Variants in ATP2B2 observed in about 807,000 individuals in gnomAD.
ATP2B2 encodes the protein plasma membrane calcium-transporting ATPase 2.
ATP2B2 carries 15 observed loss-of-function variants against 120.0 expected under a neutral mutation model. The observed-to-expected ratio is 0.12, with a 90% confidence interval of 0.08 to 0.19. The LOEUF (loss-of-function observed/expected upper bound fraction) is 0.19, where lower values mean the gene tolerates loss of function less well. Among genes scored for constraint, ATP2B2 ranks in the 10% least tolerant of loss-of-function variants. ATP2B2 has a pLI of 1.00. For synonymous variants in ATP2B2, 694 were observed against 700.3 expected, an observed-to-expected ratio of 0.99 and a Z score of 0.14; for missense variants, 1,045 against 1,719.8, an observed-to-expected ratio of 0.61 and a Z score of 6.94.
chr3:10,452,724 G>A (rs1391495072), intron 1 of ATP2B2, among the ~76,000 whole-genome samples: 1 of 152,144 alleles, frequency 6.6e-6, no homozygotes, highest in Non-Finnish European at 1.5e-5. Context: ...GGTGAGCGCT[G>A]GGGAGGTGAT....
At chr3:10,617,090 CTGGCCAT>C in intron 2 of ATP2B2, among the ~76,000 whole-genome samples, 1 of 152,352 alleles carries the variant, frequency 6.6e-6, no homozygotes, top group South Asian at 2.1e-4. Context: ...TTCCCTGCTG[CTGGCCAT>C]TGGCATTGTT....
intron 5 of ATP2B2, among the ~76,000 whole-genome samples, chr3:10,388,627 T>C (rs2061754091): frequency 6.6e-6 from 1 of 152,080 alleles, no homozygotes; most frequent in African/African-American, 2.4e-5. Context: ...AGTTCTCAGG[T>C]ACCCCAAACA....
Position 10,343,056 on chromosome 3 carries a change from C to G in ATP2B2, c.2704-91G>C. 7.2e-7 allele frequency: 1 copy of G among 1,384,488 alleles called. No homozygotes were observed. The highest frequency in any genetic ancestry group is 1.0e-6 in the Non-Finnish European group (1 of 989,530). 85.8% of individuals were successfully genotyped at this position (1,384,488 alleles called of 1,614,324 possible). A position where few individuals can be genotyped will look rare whatever the true frequency, so the allele number is the denominator to read the frequency against. On this transcript the variant is annotated intron_variant, in intron 18 of 22. Transcript: ENST00000360273. The surrounding 1 kb of genome is among the most constrained non-coding windows in gnomAD (Gnocchi z 4.2). ...CTCATGGTGTAGTGTCCGCAGGCTC[C>G]TGCTGGAGGCTGGAGTCCGACCTGC... is the stretch of plus-strand genomic sequence containing the variant.
chr3:10,402,793 T>TGG lies in ATP2B2; in HGVS notation c.398-446_398-445insCC, dbSNP rs2062267407. On this transcript the variant is annotated intron_variant, in intron 3 of 22. Transcript: ENST00000360273. This position sits in a 1 kb window ranked among gnomAD's most constrained non-coding sequence, Gnocchi z 4.9. The stretch of plus-strand genomic sequence containing the variant: ...CTATCTCGGGGACCTATTGTCAGAG[T>TGG]TGAAATTTAATGTGGTAAAGTTCAC... Among the ~76,000 whole-genome samples the TGG allele has an allele frequency of 1.3e-5, 2 of 152,208 alleles. No homozygotes were observed. The highest frequency in any genetic ancestry group is 2.4e-5 in the African/African-American group (1 of 41,484).
chr3:10,553,665 G>T (rs1053909875), intron 2 of ATP2B2, among the ~76,000 whole-genome samples: 1 of 152,202 alleles, frequency 6.6e-6, no homozygotes, highest in Non-Finnish European at 1.5e-5. Flanking sequence ...AGGACTCCCT[G>T]CCCCTCCATA....
chr3:10,565,183 T>G (rs2067984372), intron 2 of ATP2B2, among the ~76,000 whole-genome samples: 1 of 151,906 alleles, frequency 6.6e-6, no homozygotes, highest in African/African-American at 2.4e-5. Context: ...CCTCGTGGAG[T>G]AGAGCACTCT....
rs1400446153 is a variant in ATP2B2, at chr3:10,449,794, G to C, written c.-251C>G. 1.8e-6 allele frequency: 1 copy of C among 560,120 alleles called. No individual in the cohort carries two copies. 34.7% of individuals were successfully genotyped at this position (560,120 alleles called of 1,614,324 possible). A position where few individuals can be genotyped will look rare whatever the true frequency, so the allele number is the denominator to read the frequency against. On this transcript the variant is annotated 5_prime_UTR_variant, in exon 2 of 23. Transcript: ENST00000360273. ...GAGGGGCTCAGGGCTGTAGACCCAGGAGTCTCCATTCAGTGGGGCCCATGC... is the reference window on the plus strand; with the variant it reads ...GAGGGGCTCAGGGCTGTAGACCCAGCAGTCTCCATTCAGTGGGGCCCATGC...
At chr3:10,371,764 C>G in intron 12 of ATP2B2, 45 bp downstream of exon 12, 2 of 1,613,910 alleles carry the variant, frequency 1.2e-6, no homozygotes, top group Non-Finnish European at 8.5e-7. Flanking sequence ...TGTACCATCC[C>G]ATGGATGTTG....
chr3:10,614,779 T>C (rs150256328), intron 2 of ATP2B2, among the ~76,000 whole-genome samples: 2,011 of 152,202 alleles, frequency 0.013, 10 homozygotes, highest in Non-Finnish European at 0.021. Flanking sequence ...CTTGCTAACA[T>C]CTACCACAGC....
intron 2 of ATP2B2, among the ~76,000 whole-genome samples, chr3:10,619,376 T>A (rs900850511): frequency 2.0e-5 from 3 of 152,144 alleles, no homozygotes; most frequent in African/African-American, 7.2e-5. Context: ...AGGCTTCCCC[T>A]TCTCAAGGCT....
chr3:10,399,174 C>T (rs779346624), intron 5 of ATP2B2, among the ~76,000 whole-genome samples: 3 of 152,218 alleles, frequency 2.0e-5, no homozygotes, highest in Non-Finnish European at 4.4e-5. Context: ...CATACCTGGC[C>T]ACTGCCCCCA....
chr3:10,442,112 G>A (rs1208224355), intron 2 of ATP2B2, among the ~76,000 whole-genome samples: 2 of 152,180 alleles, frequency 1.3e-5, no homozygotes, highest in Non-Finnish European at 2.9e-5. Context: ...GTGTTGGGAA[G>A]GCCTGGCTCT....
intron 2 of ATP2B2, among the ~76,000 whole-genome samples, chr3:10,538,616 A>G (rs1467009648): frequency 6.6e-6 from 1 of 152,240 alleles, no homozygotes; most frequent in African/African-American, 2.4e-5. Context: ...ACAGAACCAA[A>G]GACAAAAACC....
rs146457039 is a variant in ATP2B2, at chr3:10,592,698, T to C, written c.-415+27219A>G. 7.9e-5 allele frequency among the ~76,000 whole-genome samples: 12 copies of C among 152,336 alleles called. No homozygotes were observed. In the South Asian group the frequency reaches 8.3e-4, roughly 11 times the overall value. On this transcript the variant is annotated intron_variant, in intron 2 of 21. Coordinates refer to the ATP2B2 transcript ENST00000646379. The stretch of plus-strand genomic sequence containing the variant: ...TGATGGTGCTCCCACAGTGGCCCTG[T>C]CTGCTCAACCCAAACACAAGTTAGT...
intron 2 of ATP2B2, among the ~76,000 whole-genome samples, chr3:10,615,064 T>G (rs1051966043): frequency 6.6e-6 from 1 of 152,094 alleles, no homozygotes; most frequent in Non-Finnish European, 1.5e-5. Context: ...TGAGCATCAC[T>G]TGGACACAGA....
chr3:10,497,930 G>A (rs563977125), intron 1 of ATP2B2, among the ~76,000 whole-genome samples: 2 of 152,284 alleles, frequency 1.3e-5, no homozygotes, highest in East Asian at 3.9e-4. Context: ...GAGGCAGGTG[G>A]CAATCCTGGC....
In ATP2B2 at chr3:10,428,480, T is replaced by C. The variant is rs142820349; in HGVS notation, c.200-17665A>G. On this transcript the variant is annotated intron_variant, in intron 2 of 22. Coordinates refer to ENST00000360273, the MANE Select transcript of ATP2B2 (RefSeq NM_001001331.4). ...TGCCTCCCCAGGTGGCGTTGTGCTA[T>C]GAGGGGACGAGGGGAGGCAAGGGTG... Among the ~76,000 whole-genome samples the C allele has an allele frequency of 6.2e-3, 947 of 152,300 alleles. 8 individuals carry two copies. The highest frequency in any genetic ancestry group is 0.018 in the African/African-American group (738 of 41,560).
At chr3:10,634,181 C>T (rs2069955168) in intron 1 of ATP2B2, among the ~76,000 whole-genome samples, 1 of 152,236 alleles carries the variant, frequency 6.6e-6, no homozygotes, top group Admixed American at 6.5e-5. Flanking sequence ...GAACCTCCCA[C>T]TACCAGGTGC....
At chr3:10,361,187 G>A (rs1329895183) in intron 12 of ATP2B2, among the ~76,000 whole-genome samples, 1 of 152,132 alleles carries the variant, frequency 6.6e-6, no homozygotes, top group Non-Finnish European at 1.5e-5. Context: ...TGCTATTTTT[G>A]AATGTCAAAA....
Sources: gnomAD v4.1 joint callset for allele counts (sites outside exome capture counted in the v4.1 genomes callset) on GRCh38, gnomAD v4.1.1 for gene constraint, Gnocchi (gnomAD v3.1) non-coding constraint, MANE v1.5 for transcripts, NCBI Gene and HGNC (gene_info 2026-07-23, HGNC 2026-07-21) for gene names.